SLC35F4: variants seen among roughly 807,000 people sequenced by gnomAD.
SLC35F4 encodes chromosome 14 open reading frame 36.
SLC35F4 carries 24 observed loss-of-function variants against 44.2 expected under a neutral mutation model. The ratio of observed to expected loss-of-function variants is 0.54; its 90% CI spans 0.39 to 0.76. The LOEUF is 0.76. Among genes scored for constraint, SLC35F4 ranks in the 30% least tolerant of loss-of-function variants. The pLI is 0.00. For missense variants in SLC35F4, 562 were observed against 586.1 expected (o/e 0.96, Z 0.42); for synonymous variants, 238 against 223.6 (o/e 1.06, Z -0.57).
intron 1 of SLC35F4, among the ~76,000 whole-genome samples, chr14:57,739,341 T>G (rs1163348475): frequency 6.6e-6 from 1 of 152,170 alleles, no homozygotes; most frequent in Non-Finnish European, 1.5e-5. Context: ...TATCAATGTT[T>G]AGCATTTGCT....
chr14:57,571,985 A>G lies in SLC35F4; in HGVS notation c.842T>C (p.Val281Ala). The G allele has an allele frequency of 1.2e-6, 2 of 1,611,706 alleles. No individual in the cohort carries two copies. The highest frequency in any genetic ancestry group is 1.7e-6 in the Non-Finnish European group (2 of 1,178,808). The change falls in exon 5 of 8, where the codon GTC becomes GCC. Residue 281 changes from valine (V) to alanine (A), a missense_variant. Val to Ala is a moderately conservative substitution (Grantham distance 64). Coordinates refer to ENST00000556826, the MANE Select transcript of SLC35F4 (RefSeq NM_001306087.2). Reference sequence around the variant, plus strand: ...GAAATTATCTGCATATGCCATCATGACAATGCCGGTAATTGCCATTATTGC... The same window carrying G: ...GAAATTATCTGCATATGCCATCATGGCAATGCCGGTAATTGCCATTATTGC... Reference protein sequence around the residue: ...VAAIMAITGIVMMAYADNFHA... With the variant: ...VAAIMAITGIAMMAYADNFHA...
intron 1 of SLC35F4, among the ~76,000 whole-genome samples, chr14:57,926,055 C>T (rs1889563154): frequency 6.6e-6 from 1 of 152,050 alleles, no homozygotes; most frequent in Admixed American, 6.5e-5. Context: ...TGTATCAGTT[C>T]CCGTATGTGT....
intron 1 of SLC35F4, among the ~76,000 whole-genome samples, chr14:57,885,399 G>A (rs1888625352): frequency 6.6e-6 from 1 of 152,174 alleles, no homozygotes; most frequent in Non-Finnish European, 1.5e-5. Flanking sequence ...CAGCGCAAGT[G>A]TTCAATATTA....
In SLC35F4 at chr14:57,586,499, C is replaced by T. The variant is rs188820213; in HGVS notation, c.587+2717G>A. ...TTGGGAGGCCAAGGTGGGCAGATCA[C>T]GAGGTCAAGAGATCCAGACCATCCT... is the stretch of plus-strand genomic sequence containing the variant. On this transcript the variant is annotated intron_variant, in intron 3 of 7. Coordinates refer to ENST00000556826, the MANE Select transcript of SLC35F4 (RefSeq NM_001306087.2). Among the ~76,000 whole-genome samples, 48 of 151,916 alleles carry T rather than the reference C, an allele frequency of 3.2e-4. No individual in the cohort carries two copies. In the Middle Eastern group the frequency reaches 0.01, roughly 32 times the overall value.
chr14:57,865,514 G>A (rs10140914), intron 1 of SLC35F4, among the ~76,000 whole-genome samples: 11,572 of 152,206 alleles, frequency 0.076, 617 homozygotes, highest in African/African-American at 0.15. Flanking sequence ...GCACCCAGCC[G>A]GGCCCCTTGC....
At chr14:57,593,167 A>G (rs886700541) in intron 2 of SLC35F4, among the ~76,000 whole-genome samples, 3 of 152,224 alleles carry the variant, frequency 2.0e-5, no homozygotes, top group Non-Finnish European at 4.4e-5. Context: ...TCTTTTCAGG[A>G]ACGTGGAAGT....
chr14:57,942,045 T>C (rs904179210), intron 1 of SLC35F4, among the ~76,000 whole-genome samples: 1 of 152,240 alleles, frequency 6.6e-6, no homozygotes, highest in African/African-American at 2.4e-5. Flanking sequence ...GTAAGGTGTC[T>C]GTGCCATTCT....
chr14:57,586,922 G>C, intron 3 of SLC35F4, among the ~76,000 whole-genome samples: 1 of 132,696 alleles, frequency 7.5e-6, no homozygotes, highest in East Asian at 2.3e-4. Flanking sequence ...AGGGCTAATA[G>C]CCAGAATCTA....
Position 57,875,356 on chromosome 14 carries a change from G to A in SLC35F4, n.282+106557C>T, listed in dbSNP as rs181572257. Among the ~76,000 whole-genome samples, 176 of 152,240 alleles carry A rather than the reference G, an allele frequency of 1.2e-3. 1 individual carries two copies. Among genetic ancestry groups the A allele is most frequent in the African/African-American group, 4.0e-3 (165 of 41,560 alleles). On this transcript the variant is annotated intron_variant and non_coding_transcript_variant, in intron 1 of 1. Transcript: ENST00000556568. ...TAGGACTTACTACCACGGCAGTAACGTCAAAATAGTAGTGTTATTGTCTAG... is the reference window on the plus strand; with the variant it reads ...TAGGACTTACTACCACGGCAGTAACATCAAAATAGTAGTGTTATTGTCTAG...
intron 1 of SLC35F4, among the ~76,000 whole-genome samples, chr14:57,718,233 T>A (rs928986433): frequency 2.0e-5 from 3 of 152,242 alleles, no homozygotes; most frequent in African/African-American, 7.2e-5. Context: ...ATTTTCTTTA[T>A]CCATTCCTCT....
In SLC35F4 at chr14:57,837,163, C is replaced by T. The variant is rs561516120; in HGVS notation, c.103+28560G>A. 5.9e-5 allele frequency among the ~76,000 whole-genome samples: 9 copies of T among 152,296 alleles called. No individual in the cohort carries two copies. In the East Asian group the frequency reaches 1.5e-3, roughly 26 times the overall value. ...AACTTAAAATGAAATAAATTTTTCA[C>T]TGTGTAATTTAAAATTATTTAACAC... On this transcript the variant is annotated intron_variant, in intron 1 of 7. Coordinates refer to ENST00000556826, the MANE Select transcript of SLC35F4 (RefSeq NM_001306087.2).
intron 1 of SLC35F4, among the ~76,000 whole-genome samples, chr14:57,653,821 G>A (rs980499996): frequency 6.6e-6 from 1 of 152,096 alleles, no homozygotes; most frequent in Non-Finnish European, 1.5e-5. Context: ...CACCATAAAC[G>A]GAGTGACTTA....
intron 1 of SLC35F4, among the ~76,000 whole-genome samples, chr14:57,821,499 C>A (rs936199656): frequency 6.6e-6 from 1 of 152,130 alleles, no homozygotes; most frequent in East Asian, 1.9e-4. Context: ...ACCATAACAG[C>A]AGGTAATAAG....
intron 1 of SLC35F4, among the ~76,000 whole-genome samples, chr14:57,731,259 G>A (rs2076337215): frequency 6.6e-6 from 1 of 152,148 alleles, no homozygotes. Flanking sequence ...TAATAAGTGG[G>A]TACCAAGTTG....
At chr14:57,975,159 A>G (rs7140508), downstream of SLC35F4, among the ~76,000 whole-genome samples, 56,778 of 152,042 alleles carry the variant, frequency 0.37, 11,112 homozygotes, top group African/African-American at 0.5. Flanking sequence ...TGAGGTGACT[A>G]TTTGGTAACA....
intron 1 of SLC35F4, among the ~76,000 whole-genome samples, chr14:57,849,009 T>A (rs1044572868): frequency 5.3e-5 from 8 of 152,168 alleles, no homozygotes; most frequent in Non-Finnish European, 1.0e-4. Flanking sequence ...CCAGCATCTG[T>A]GAAACTGTAG....
chr14:57,656,296 C>T (rs1462275170), intron 1 of SLC35F4, among the ~76,000 whole-genome samples: 1 of 150,862 alleles, frequency 6.6e-6, no homozygotes, highest in Non-Finnish European at 1.5e-5. Context: ...CAGAAGCCCC[C>T]CCACACCCCC....
chr14:57,593,161 T>C (rs1046686130), intron 2 of SLC35F4, among the ~76,000 whole-genome samples: 1 of 152,200 alleles, frequency 6.6e-6, no homozygotes, highest in Non-Finnish European at 1.5e-5. Context: ...GTTTGCTCTT[T>C]TCAGGAACGT....
intron 1 of SLC35F4, among the ~76,000 whole-genome samples, chr14:57,981,747 T>C (rs1329557642): frequency 6.6e-6 from 1 of 152,192 alleles, no homozygotes; most frequent in Non-Finnish European, 1.5e-5. Flanking sequence ...CAAGACTGTA[T>C]ATAGTTCGGA....
Sources: gnomAD v4.1 joint callset for allele counts (sites outside exome capture counted in the v4.1 genomes callset) on GRCh38, gnomAD v4.1.1 for gene constraint, MANE v1.5 for transcripts, NCBI Gene and HGNC (gene_info 2026-07-23, HGNC 2026-07-21) for gene names.